BCAT1: variants seen among roughly 807,000 people sequenced by gnomAD.
BCAT1 encodes branched-chain-amino-acid aminotransferase, cytosolic.
In BCAT1, 48 loss-of-function variants were observed where a neutral mutation model predicts 52.4. That is an observed-to-expected ratio of 0.92 (90% CI 0.73 to 1.16). The LOEUF is 1.16. Ranked by LOEUF, BCAT1 falls within the 50% of genes most tolerant of loss-of-function variation. BCAT1 has a pLI of 0.00. For missense variants in BCAT1, 451 were observed against 457.1 expected, an observed-to-expected ratio of 0.99 and a Z score of 0.12; for synonymous variants, 167 against 161.3, an observed-to-expected ratio of 1.04 and a Z score of -0.27.
chr12:24,905,419 C>G (rs1412198475), intron 1 of BCAT1, among the ~76,000 whole-genome samples: 1 of 152,172 alleles, frequency 6.6e-6, no homozygotes, highest in Admixed American at 6.5e-5. Flanking sequence ...GAACCCTGAC[C>G]TTCAGATTTT....
rs1188103254 is a variant in BCAT1, at chr12:24,878,564, C to G, written c.476G>C (p.Ser159Thr). Reference sequence around the variant, plus strand: ...AATGAATGTAGGACGAATATACAGACTAGCAGATGTTGAATATGGGACCCA... The same window carrying G: ...AATGAATGTAGGACGAATATACAGAGTAGCAGATGTTGAATATGGGACCCA... ...QEWVPYSTSA[S>T]LYIRPTFIGT... Residue 159 changes from serine to threonine, a missense_variant, in exon 5 of 11, where the codon AGT (serine) becomes ACT (threonine). Physicochemically the swap from Ser to Thr is moderately conservative, Grantham distance 58. Coordinates refer to ENST00000261192, the MANE Select transcript of BCAT1 (RefSeq NM_005504.7). 1 of 1,612,542 alleles carries G rather than the reference C, an allele frequency of 6.2e-7. No individual in the cohort carries two copies. The highest frequency in any genetic ancestry group is 8.5e-7 in the Non-Finnish European group (1 of 1,178,960).
intron 5 of BCAT1, among the ~76,000 whole-genome samples, chr12:24,877,122 A>G (rs537811139): frequency 1.3e-5 from 2 of 152,334 alleles, no homozygotes; most frequent in South Asian, 4.1e-4. Flanking sequence ...ATACCAAAGA[A>G]AACACTTCGG....
At chr12:24,892,419 T>C (rs192416227) in intron 3 of BCAT1, among the ~76,000 whole-genome samples, 128 of 152,332 alleles carry the variant, frequency 8.4e-4, no homozygotes, top group Admixed American at 2.0e-3. Flanking sequence ...TCCCAAAATG[T>C]GGTCCCTGGA....
chr12:24,865,747 T>C (rs1941988416), intron 5 of BCAT1, among the ~76,000 whole-genome samples: 1 of 152,214 alleles, frequency 6.6e-6, no homozygotes, highest in South Asian at 2.1e-4. Context: ...TTATAACCGT[T>C]GTTATCAACA....
intron 5 of BCAT1, among the ~76,000 whole-genome samples, chr12:24,858,426 T>C (rs1162647602): frequency 6.6e-6 from 1 of 152,214 alleles, no homozygotes; most frequent in African/African-American, 2.4e-5. Flanking sequence ...AATTTAGACA[T>C]CTGGTCTAAA....
intron 8 of BCAT1, chr12:24,834,484 T>A (rs1940835551): frequency 4.1e-6 from 4 of 979,750 alleles, no homozygotes; most frequent in Non-Finnish European, 4.8e-6. Flanking sequence ...AGTTCAAAGT[T>A]TGTCAACAAG....
chr12:24,902,689 A>G lies in BCAT1; in HGVS notation c.7-804T>C, dbSNP rs184488682. ...CACGTCCCCCGTGGCGGTCCTCGCC[A>G]CGCTCCGGAGCGGGTTACCCATGAG... On this transcript the variant is annotated intron_variant, in intron 1 of 10. Transcript: ENST00000261192. 3.5e-3 allele frequency: 1,878 copies of G among 537,206 alleles called. 26 individuals are homozygous for G. Among genetic ancestry groups the G allele is most frequent in the African/African-American group, 0.035 (1,728 of 49,810 alleles). 33.3% of individuals were successfully genotyped at this position (537,206 alleles called of 1,614,324 possible).
chr12:24,855,076 T>A (rs1941633907), intron 5 of BCAT1, among the ~76,000 whole-genome samples: 1 of 151,886 alleles, frequency 6.6e-6, no homozygotes, highest in Non-Finnish European at 1.5e-5. Flanking sequence ...AATGAGCAAC[T>A]CGATAAGCAA....
intron 1 of BCAT1, among the ~76,000 whole-genome samples, chr12:24,921,381 G>A (rs1328875515): frequency 2.0e-5 from 3 of 152,288 alleles, no homozygotes; most frequent in African/African-American, 7.2e-5. Context: ...CAGCATACAG[G>A]AAAACCAGTT....
intron 2 of BCAT1, among the ~76,000 whole-genome samples, chr12:24,900,396 G>A (rs7967922): frequency 0.028 from 4,255 of 152,198 alleles, 104 homozygotes; most frequent in Non-Finnish European, 0.039. Context: ...GATCAGTCTG[G>A]GCAACACAGG....
chr12:24,827,034 T>C (rs969958501), intron 10 of BCAT1, among the ~76,000 whole-genome samples: 3 of 152,200 alleles, frequency 2.0e-5, no homozygotes, highest in Non-Finnish European at 2.9e-5. Flanking sequence ...ACAGGTTTTT[T>C]GAGGGAGTCT....
chr12:24,885,647 G>T (rs765936342), intron 3 of BCAT1, among the ~76,000 whole-genome samples: 3 of 152,170 alleles, frequency 2.0e-5, no homozygotes, highest in Non-Finnish European at 2.9e-5. Flanking sequence ...TTCCTAGCAG[G>T]CAAGGCTCAT....
In BCAT1 at chr12:24,943,845, G is replaced by A. The variant is rs573225790; in HGVS notation, c.6+5082C>T. On this transcript the variant is annotated intron_variant, in intron 1 of 10. Coordinates refer to ENST00000261192, the MANE Select transcript of BCAT1 (RefSeq NM_005504.7). ...AAAAAATACAAAAAATTAGCCGGGC[G>A]TGGTGGCGGGCGCCTGTAGTCCCAG... 3.5e-3 allele frequency among the ~76,000 whole-genome samples: 525 copies of A among 152,160 alleles called. 2 individuals carry two copies. The highest frequency in any genetic ancestry group is 5.8e-3 in the Non-Finnish European group (395 of 68,000).
intron 1 of BCAT1, among the ~76,000 whole-genome samples, chr12:24,937,317 G>T (rs991310808): frequency 3.9e-5 from 6 of 152,158 alleles, no homozygotes; most frequent in African/African-American, 7.2e-5. Context: ...AAGTGCAAAG[G>T]CCCTGAAGAA....
intron 1 of BCAT1, among the ~76,000 whole-genome samples, chr12:24,910,006 A>G (rs1184977028): frequency 1.3e-5 from 2 of 152,200 alleles, no homozygotes; most frequent in East Asian, 3.9e-4. Flanking sequence ...GATTAAAAAC[A>G]CATGAGAGAC....
chr12:24,849,971 T>C lies in BCAT1; in HGVS notation c.511-22A>G, dbSNP rs1257035668. Reference sequence around the variant, plus strand: ...AAGGCTGCAACAAAGTAGAAGTACATACAACTGTAACTTAAAATGTGGACA... The same window carrying C: ...AAGGCTGCAACAAAGTAGAAGTACACACAACTGTAACTTAAAATGTGGACA... On this transcript the variant is annotated intron_variant, in intron 5 of 10. Coordinates refer to ENST00000261192, the MANE Select transcript of BCAT1 (RefSeq NM_005504.7). The C allele has an allele frequency of 1.9e-6, 3 of 1,576,986 alleles. No individual in the cohort carries two copies. In the African/African-American group the frequency reaches 4.1e-5, roughly 21 times the overall value.
In BCAT1 at chr12:24,836,525, G is replaced by A; in HGVS notation, c.889C>T (p.Leu297=). Residue 297 remains leucine (L), a synonymous_variant, in exon 8 of 11, where the codon CTG becomes TTG. Transcript: ENST00000261192. ...AAGGCACCCACCCACTGATGTGCCA[G>A]GTCCAGAATGCACCGCCTTGTCACT... The part of the protein sequence containing the change: ...PGVTRRCILD[L]AHQWGEFKVS... The A allele has an allele frequency of 6.2e-7, 1 of 1,612,670 alleles. No homozygotes were observed. Among genetic ancestry groups the A allele is most frequent in the African/African-American group, 1.3e-5 (1 of 75,018 alleles).
chr12:24,847,370 A>G (rs1316910870), intron 6 of BCAT1, among the ~76,000 whole-genome samples: 2 of 152,160 alleles, frequency 1.3e-5, no homozygotes, highest in African/African-American at 4.8e-5. Context: ...TTGACATACC[A>G]TTATCACCTG....
At chr12:24,948,178 G>GA (rs1943962815) in intron 1 of BCAT1, among the ~76,000 whole-genome samples, 1 of 152,160 alleles carries the variant, frequency 6.6e-6, no homozygotes, top group African/African-American at 2.4e-5. Context: ...ACTTTCCTTG[G>GA]AAAAAGTTGC....
Sources: allele counts gnomAD v4.1 joint callset (sites outside exome capture counted in the v4.1 genomes callset), GRCh38; gene constraint gnomAD v4.1.1; transcripts MANE v1.5; gene names NCBI Gene and HGNC (gene_info 2026-07-23, HGNC 2026-07-21).